SH3GL3: variants seen among roughly 807,000 people sequenced by gnomAD.
SH3GL3 encodes the protein endophilin-A3.
SH3GL3 carries 33 observed loss-of-function variants against 47.7 expected under a neutral mutation model. The observed-to-expected ratio is 0.69, with a 90% confidence interval of 0.52 to 0.92. The LOEUF is 0.92. Among genes scored for constraint, SH3GL3 ranks in the 40% least tolerant of loss-of-function variants. SH3GL3 has a pLI of 0.00. For synonymous variants in SH3GL3, 155 were observed against 148.8 expected (o/e 1.04, Z -0.30); for missense variants, 363 against 417.8 (o/e 0.87, Z 1.14).
intron 1 of SH3GL3, among the ~76,000 whole-genome samples, chr15:83,460,991 G>C (rs942325585): frequency 8.6e-5 from 13 of 151,938 alleles, no homozygotes; most frequent in Admixed American, 2.6e-4. Flanking sequence ...GCTGAGGCAG[G>C]AGAATGGTGT....
At chr15:83,615,702 A>C (rs2060794120) in intron 8 of SH3GL3, among the ~76,000 whole-genome samples, 1 of 152,232 alleles carries the variant, frequency 6.6e-6, no homozygotes, top group Admixed American at 6.5e-5. Flanking sequence ...AAAATCCAAA[A>C]ATAGATCTAA....
intron 1 of SH3GL3, among the ~76,000 whole-genome samples, chr15:83,494,721 T>G (rs1458070356): frequency 6.6e-6 from 1 of 151,980 alleles, no homozygotes. Context: ...TTTTGTACTT[T>G]TAGTAGAGAT....
At chr15:83,495,106 T>C (rs2042029371) in intron 1 of SH3GL3, among the ~76,000 whole-genome samples, 1 of 152,164 alleles carries the variant, frequency 6.6e-6, no homozygotes, top group Non-Finnish European at 1.5e-5. Context: ...CCCCCGGTTC[T>C]GTCTGATGCT....
At chr15:83,507,869 A>G (rs1567283936) in intron 1 of SH3GL3, among the ~76,000 whole-genome samples, 2 of 152,170 alleles carry the variant, frequency 1.3e-5, no homozygotes, top group African/African-American at 4.8e-5. Context: ...TACTTTGGAG[A>G]AAAAGAAAAT....
At chr15:83,574,406 C>T (rs752377390) in intron 5 of SH3GL3, among the ~76,000 whole-genome samples, 1 of 152,176 alleles carries the variant, frequency 6.6e-6, no homozygotes, top group Admixed American at 6.5e-5. Flanking sequence ...AGCCAGTCCT[C>T]CTCTGGGCCG....
intron 1 of SH3GL3, among the ~76,000 whole-genome samples, chr15:83,490,360 G>A (rs1333614800): frequency 6.6e-6 from 1 of 151,806 alleles, no homozygotes; most frequent in East Asian, 1.9e-4. Context: ...CCAGTCACTG[G>A]TGGGTAAATG....
At chr15:83,605,912 G>T (rs566955430) in intron 8 of SH3GL3, among the ~76,000 whole-genome samples, 1 of 152,268 alleles carries the variant, frequency 6.6e-6, no homozygotes, top group Non-Finnish European at 1.5e-5. Context: ...AAATAGTGTA[G>T]GAATTTGTGA....
At chr15:83,541,798 T>C (rs1003777637) in intron 1 of SH3GL3, among the ~76,000 whole-genome samples, 4 of 152,214 alleles carry the variant, frequency 2.6e-5, no homozygotes, top group Non-Finnish European at 5.9e-5. Context: ...TTTGCTCATT[T>C]TTAAATTTTA....
intron 8 of SH3GL3, among the ~76,000 whole-genome samples, chr15:83,591,835 G>A (rs867591489): frequency 6.6e-6 from 1 of 152,110 alleles, no homozygotes; most frequent in African/African-American, 2.4e-5. Flanking sequence ...ACAGGCGCCC[G>A]ATACCGTGCC....
intron 1 of SH3GL3, among the ~76,000 whole-genome samples, chr15:83,535,368 C>G (rs1172767444): frequency 2.6e-5 from 4 of 152,168 alleles, no homozygotes; most frequent in African/African-American, 7.2e-5. Flanking sequence ...CAAATTATTT[C>G]ATGTGGCTCA....
chr15:83,565,398 A>G (rs2063066088), intron 3 of SH3GL3, 192 bp downstream of exon 3: 2 of 535,314 alleles, frequency 3.7e-6, no homozygotes, highest in Admixed American at 7.4e-5. Context: ...GAGAACAGCT[A>G]TTTTTGTGAA....
At chr15:83,514,910 T>TA (rs749687189) in intron 1 of SH3GL3, among the ~76,000 whole-genome samples, 8 of 152,056 alleles carry the variant, frequency 5.3e-5, no homozygotes, top group Non-Finnish European at 1.2e-4. Context: ...AGTGATAACT[T>TA]ATATGAGAAG....
chr15:83,524,951 T>C (rs2043353172), intron 1 of SH3GL3, among the ~76,000 whole-genome samples: 1 of 152,230 alleles, frequency 6.6e-6, no homozygotes, highest in African/African-American at 2.4e-5. Context: ...CCATTGTTAA[T>C]GGTGTTGCAG....
chr15:83,515,642 T>G (rs2042949707), intron 1 of SH3GL3, among the ~76,000 whole-genome samples: 1 of 152,248 alleles, frequency 6.6e-6, no homozygotes, highest in South Asian at 2.1e-4. Flanking sequence ...AATTTAGTTT[T>G]ATTATATTGC....
At chr15:83,506,952 A>G (rs1166106402) in intron 1 of SH3GL3, among the ~76,000 whole-genome samples, 1 of 147,150 alleles carries the variant, frequency 6.8e-6, no homozygotes, top group Non-Finnish European at 1.5e-5. Flanking sequence ...TCTTTTGCTA[A>G]AAAAAAAAAA....
intron 8 of SH3GL3, among the ~76,000 whole-genome samples, chr15:83,601,483 T>A (rs1419772763): frequency 6.6e-6 from 1 of 152,274 alleles, no homozygotes; most frequent in East Asian, 1.9e-4. Flanking sequence ...ATTCTGTTTA[T>A]GTGGTGTATC....
chr15:83,530,557 A>G (rs71408814), intron 1 of SH3GL3, among the ~76,000 whole-genome samples: 9,775 of 150,918 alleles, frequency 0.065, 430 homozygotes, highest in Non-Finnish European at 0.096. Flanking sequence ...GGAGGTGGTG[A>G]GTGCCAGATA....
chr15:83,463,803 CTGTCACCCA>C (rs1476390707), intron 1 of SH3GL3, among the ~76,000 whole-genome samples: 1 of 136,228 alleles, frequency 7.3e-6, no homozygotes. Context: ...GAGTCTTGCT[CTGTCACCCA>C]GGCTGGAGTG....
At position 83,576,921 on chromosome 15, in the gene SH3GL3, A is replaced by ATTTTTTTTTTTTTTTTTT. The variant is rs71156087; in HGVS notation, c.624+194_624+195insTTTTTTTTTTTTTTTTTT. Among the ~76,000 whole-genome samples the ATTTTTTTTTTTTTTTTTT allele has an allele frequency of 1.5e-3, 133 of 86,522 alleles. 16 individuals are homozygous for ATTTTTTTTTTTTTTTTTT. Among genetic ancestry groups the ATTTTTTTTTTTTTTTTTT allele is most frequent in the Admixed American group, 8.6e-3 (49 of 5,710 alleles). 56.8% of individuals were successfully genotyped at this position (86,522 alleles called of 152,430 possible). A position where few individuals can be genotyped will look rare whatever the true frequency, so the allele number is the denominator to read the frequency against. Reference sequence around the variant, plus strand: ...TGATGAGCTTAAAAAAAAAATCATAATTTTTTTTTTTTTTGAGACGCTGTC... The same window carrying ATTTTTTTTTTTTTTTTTT: ...TGATGAGCTTAAAAAAAAAATCATAATTTTTTTTTTTTTTTTTTTTTTTTTTTTTTTTGAGACGCTGTC... On this transcript the variant is annotated intron_variant, in intron 6 of 8. Transcript: ENST00000427482.
Sources: gnomAD v4.1 joint callset for allele counts (sites outside exome capture counted in the v4.1 genomes callset) on GRCh38, gnomAD v4.1.1 for gene constraint, MANE v1.5 for transcripts, NCBI Gene and HGNC (gene_info 2026-07-23, HGNC 2026-07-21) for gene names.